The following VTI1A variants were observed in gnomAD, a reference collection of about 807,000 sequenced individuals.
VTI1A encodes vesicle transport through interaction with t-SNAREs 1A.
A neutral mutation model predicts 34.9 loss-of-function variants in VTI1A; 22 were observed. The ratio of observed to expected loss-of-function variants is 0.63; its 90% CI spans 0.45 to 0.90. The LOEUF (loss-of-function observed/expected upper bound fraction) is 0.90, where lower values mean the gene tolerates loss of function less well. Ranked by LOEUF, VTI1A falls within the 40% of genes least tolerant of loss-of-function variation. The probability of loss-of-function intolerance (pLI) is 0.00; values close to 1 mark genes in which losing one functional copy is unlikely to be tolerated. For synonymous variants in VTI1A, 87 were observed against 97.3 expected (o/e 0.89, Z 0.62); for missense variants, 268 against 275.6 (o/e 0.97, Z 0.20).
intron 7 of VTI1A, among the ~76,000 whole-genome samples, chr10:112,744,127 A>G (rs192407917): frequency 3.9e-4 from 59 of 152,296 alleles, no homozygotes; most frequent in African/African-American, 1.3e-3. Context: ...GGAAATGTCA[A>G]TTTTATGTGG....
intron 7 of VTI1A, among the ~76,000 whole-genome samples, chr10:112,741,952 G>T (rs973238804): frequency 1.1e-4 from 16 of 152,096 alleles, no homozygotes; most frequent in African/African-American, 3.9e-4. Flanking sequence ...TGCATATTGA[G>T]ATATATCATT....
intron 5 of VTI1A, among the ~76,000 whole-genome samples, chr10:112,616,299 A>G (rs1845511124): frequency 6.6e-6 from 1 of 152,292 alleles, no homozygotes; most frequent in African/African-American, 2.4e-5. Context: ...ATATGCCCAC[A>G]TATATATTTG....
the VTI1A span, among the ~76,000 whole-genome samples, chr10:112,854,087 G>C: frequency 6.6e-6 from 1 of 152,020 alleles, no homozygotes; most frequent in Admixed American, 6.6e-5. Context: ...TGCCTCCCTG[G>C]GTCCTCATAT....
chr10:112,462,985 C>G (rs934434193), intron 2 of VTI1A, among the ~76,000 whole-genome samples: 1 of 152,002 alleles, frequency 6.6e-6, no homozygotes, highest in African/African-American at 2.4e-5. Flanking sequence ...AGTGCAGTGG[C>G]ACGATCTCGG....
At chr10:112,608,643 A>G (rs17129898) in intron 5 of VTI1A, among the ~76,000 whole-genome samples, 19,941 of 152,112 alleles carry the variant, frequency 0.13, 1,604 homozygotes, top group African/African-American at 0.22. Flanking sequence ...AAAGATAAGC[A>G]CCTGTCATTT....
intron 7 of VTI1A, among the ~76,000 whole-genome samples, chr10:112,768,453 T>C (rs561805892): frequency 2.6e-5 from 4 of 152,320 alleles, no homozygotes; most frequent in African/African-American, 9.6e-5. Flanking sequence ...ACTGCTGCGG[T>C]CCACGGGAAC....
chr10:112,582,555 T>C (rs1033681233), intron 5 of VTI1A, among the ~76,000 whole-genome samples: 1 of 152,196 alleles, frequency 6.6e-6, no homozygotes, highest in African/African-American at 2.4e-5. Context: ...TTTGAGGGCA[T>C]GGCTGTGCCT....
chr10:112,631,883 C>A (rs1280542578), intron 5 of VTI1A, among the ~76,000 whole-genome samples: 2 of 152,148 alleles, frequency 1.3e-5, no homozygotes, highest in African/African-American at 4.8e-5. Context: ...AATCTGGGAC[C>A]AGAGAACCCT....
intron 5 of VTI1A, among the ~76,000 whole-genome samples, chr10:112,556,326 A>C (rs1262445854): frequency 6.6e-6 from 1 of 152,042 alleles, no homozygotes; most frequent in Non-Finnish European, 1.5e-5. Context: ...CATAACTTGA[A>C]ATGTCTCAGA....
chr10:112,830,849 A>ATATATT, the VTI1A span, among the ~76,000 whole-genome samples: 10 of 33,496 alleles, frequency 3.0e-4, no homozygotes, highest in East Asian at 1.5e-3. Flanking sequence ...ATATATATAT[A>ATATATT]TTTTTTTTTT....
intron 7 of VTI1A, among the ~76,000 whole-genome samples, chr10:112,681,074 TTTTC>T (rs1448236050): frequency 7.4e-6 from 1 of 135,608 alleles, no homozygotes; most frequent in Non-Finnish European, 1.5e-5. Flanking sequence ...TCTTTTTTTC[TTTTC>T]TTTTTTTTTT....
intron 7 of VTI1A, among the ~76,000 whole-genome samples, chr10:112,722,095 C>A (rs918399101): frequency 6.6e-6 from 1 of 152,130 alleles, no homozygotes; most frequent in Non-Finnish European, 1.5e-5. Flanking sequence ...CACTCTTATC[C>A]TGCAATGTTA....
intron 3 of VTI1A, among the ~76,000 whole-genome samples, chr10:112,478,834 C>T (rs1346574488): frequency 6.6e-6 from 1 of 151,730 alleles, no homozygotes. Context: ...CTTCCCATTT[C>T]TTCCCTAGCT....
chr10:112,755,336 G>A (rs1206942268), intron 7 of VTI1A, among the ~76,000 whole-genome samples: 2 of 152,192 alleles, frequency 1.3e-5, no homozygotes, highest in Admixed American at 6.5e-5. Flanking sequence ...AAAGATGCCC[G>A]CTTGGGAAAG....
intron 3 of VTI1A, among the ~76,000 whole-genome samples, chr10:112,493,682 G>A (rs1027407642): frequency 6.6e-6 from 1 of 152,052 alleles, no homozygotes; most frequent in African/African-American, 2.4e-5. Context: ...TTATAAATAG[G>A]TGTTGGATTT....
chr10:112,664,777 C>G (rs967310342), intron 5 of VTI1A, among the ~76,000 whole-genome samples: 1 of 152,084 alleles, frequency 6.6e-6, no homozygotes, highest in Admixed American at 6.6e-5. Flanking sequence ...TTTGAGAGCT[C>G]TACTCCCAGG....
chr10:112,537,834 A>G (rs1005367820), intron 4 of VTI1A, among the ~76,000 whole-genome samples: 3 of 152,218 alleles, frequency 2.0e-5, no homozygotes, highest in African/African-American at 7.2e-5. Flanking sequence ...TATCTGCAAG[A>G]ATCAAAGGAG....
intron 5 of VTI1A, among the ~76,000 whole-genome samples, chr10:112,616,798 C>G (rs988350702): frequency 6.6e-6 from 1 of 151,960 alleles, no homozygotes; most frequent in African/African-American, 2.4e-5. Flanking sequence ...AAAAGCAGAT[C>G]TGAGAAAGCT....
At chr10:112,690,132 G>C (rs961655232) in intron 7 of VTI1A, among the ~76,000 whole-genome samples, 7 of 135,970 alleles carry the variant, frequency 5.1e-5, no homozygotes, top group African/African-American at 2.3e-4. Flanking sequence ...ATTCCAGAGT[G>C]GGGGTATACT....
Sources: allele counts gnomAD v4.1 joint callset (sites outside exome capture counted in the v4.1 genomes callset), GRCh38; gene constraint gnomAD v4.1.1; transcripts MANE v1.5; gene names NCBI Gene and HGNC (gene_info 2026-07-23, HGNC 2026-07-21).